The following DNAJB12 variants were observed in gnomAD, a reference collection of about 807,000 sequenced individuals.
DNAJB12 encodes DnaJ heat shock protein family (Hsp40) member B12, also known as dnaJ homolog subfamily B member 12.
A neutral mutation model predicts 40.6 loss-of-function variants in DNAJB12; 14 were observed. The observed-to-expected ratio is 0.34, with a 90% CI of 0.23 to 0.54. DNAJB12 has a LOEUF of 0.54. DNAJB12 is among the 20% of genes least tolerant of loss of function. The probability of loss-of-function intolerance (pLI) is 0.92; values close to 1 mark genes in which losing one functional copy is unlikely to be tolerated. For missense variants in DNAJB12, 444 were observed against 501.7 expected (o/e 0.89, Z 1.10); for synonymous variants, 181 against 199.5 (o/e 0.91, Z 0.78).
Position 72,335,029 on chromosome 10 carries a change from T to C in DNAJB12, c.*31-412A>G, listed in dbSNP as rs1296427279. 1 of 1,036,276 alleles carries C rather than the reference T, an allele frequency of 9.6e-7. No individual in the cohort carries two copies. Among genetic ancestry groups the C allele is most frequent in the Non-Finnish European group, 1.2e-6 (1 of 862,574 alleles). The allele number at this position is 1,036,276 out of a possible 1,614,324, so 64.2% of individuals were successfully genotyped here. On this transcript the variant is annotated intron_variant, in intron 8 of 8. Transcript: ENST00000444643. The surrounding 1 kb of genome is among the most constrained non-coding windows in gnomAD (Gnocchi z 4.4). Reference sequence around the variant, plus strand: ...ACTCTCATTTCCCCTCCACCCCTCCTGTGCTGAGCGGCTGCGTCTGACCCT... The same window carrying C: ...ACTCTCATTTCCCCTCCACCCCTCCCGTGCTGAGCGGCTGCGTCTGACCCT...
intron 6 of DNAJB12, 124 bp downstream of exon 6, chr10:72,338,078 G>A (rs527493891): frequency 3.9e-6 from 3 of 775,796 alleles, no homozygotes; most frequent in Middle Eastern, 3.8e-4. Flanking sequence ...TTCTTGATTC[G>A]AAGCCAGGTT....
At chr10:72,344,387 C>G (rs1490100346) in intron 2 of DNAJB12, among the ~76,000 whole-genome samples, 1 of 152,236 alleles carries the variant, frequency 6.6e-6, no homozygotes, top group Non-Finnish European at 1.5e-5. Flanking sequence ...CCAAGGCCAG[C>G]TGCTGGGAGA....
intron 1 of DNAJB12, chr10:72,353,652 T>G (rs1163381285): frequency 6.6e-6 from 1 of 152,286 alleles, no homozygotes. Context: ...ATAATGATCT[T>G]TGCTCTGCAT....
intron 1 of DNAJB12, chr10:72,353,457 C>A (rs1861983942): frequency 6.6e-6 from 1 of 152,304 alleles, no homozygotes; most frequent in African/African-American, 2.4e-5. Context: ...GCTACCTCTT[C>A]CACCAGCGTT....
rs1431771787 is a variant in DNAJB12, at chr10:72,335,791, T to C, written c.*19A>G. 6.2e-7 allele frequency: 1 copy of C among 1,613,052 alleles called. No individual in the cohort carries two copies. The highest frequency in any genetic ancestry group is 8.5e-7 in the Non-Finnish European group (1 of 1,179,540). Reference sequence around the variant, plus strand: ...GCCCTGGCTCATACTTGGACCTCGGTGGTGTGGCTGGCCCAGGACTATCCA... The same window carrying C: ...GCCCTGGCTCATACTTGGACCTCGGCGGTGTGGCTGGCCCAGGACTATCCA... On this transcript the variant is annotated 3_prime_UTR_variant, in exon 8 of 9. Transcript: ENST00000444643. This position sits in a 1 kb window ranked among gnomAD's most constrained non-coding sequence, Gnocchi z 4.4.
Position 72,349,426 on chromosome 10 carries a change from G to C in DNAJB12, c.134-4299C>G, listed in dbSNP as rs371109193. On this transcript the variant is annotated intron_variant, in intron 1 of 8. Coordinates refer to ENST00000444643, the MANE Select transcript of DNAJB12 (RefSeq NM_017626.7). ...ACTCTGGAACCAGTAGTAACCATGA[G>C]ATTTCAGGCCATCCCAGATACCAGG... 4.2e-4 allele frequency among the ~76,000 whole-genome samples: 64 copies of C among 152,300 alleles called. 1 individual carries two copies. Among genetic ancestry groups the C allele is most frequent in the African/African-American group, 1.5e-3 (63 of 41,562 alleles).
Position 72,354,762 on chromosome 10 carries a change from C to T in DNAJB12, c.133+3G>A. 6.2e-7 allele frequency: 1 copy of T among 1,610,788 alleles called. No homozygotes were observed. ...CCCAGTCTCTCCGGCACCTCACACT[C>T]ACCGCGAACTCGCGGCGTCGGATAC... On this transcript the variant is annotated splice_donor_region_variant and intron_variant, in intron 1 of 8. Coordinates refer to ENST00000444643, the MANE Select transcript of DNAJB12 (RefSeq NM_017626.7).
chr10:72,337,932 G>A (rs1861523498), intron 6 of DNAJB12, among the ~76,000 whole-genome samples: 1 of 152,140 alleles, frequency 6.6e-6, no homozygotes, highest in South Asian at 2.1e-4. Context: ...GTGTACATGT[G>A]TATCGTGTGT....
Position 72,332,905 on chromosome 10 carries a change from G to A in DNAJB12, c.*1743C>T, listed in dbSNP as rs1328317516. 2 of 152,546 alleles carry A rather than the reference G, an allele frequency of 1.3e-5. No individual in the cohort carries two copies. Among genetic ancestry groups the A allele is most frequent in the Non-Finnish European group, 2.9e-5 (2 of 68,032 alleles). The allele number at this position is 152,546 out of a possible 1,614,324, so 9.4% of individuals were successfully genotyped here. The stretch of plus-strand genomic sequence containing the variant: ...AATTCAAGAAATACAGCTTCCAGAG[G>A]ATCCTTTAGGATCTATGTTCTTATT... On this transcript the variant is annotated 3_prime_UTR_variant, in exon 9 of 9. Transcript: ENST00000444643.
At chr10:72,338,042 T>A (rs893629536) in intron 6 of DNAJB12, among the ~76,000 whole-genome samples, 160 bp downstream of exon 6, 10 of 152,210 alleles carry the variant, frequency 6.6e-5, no homozygotes, top group African/African-American at 9.6e-5. Flanking sequence ...AGCTTAAGAG[T>A]CCTAGTTGAA....
chr10:72,346,284 C>G (rs1320479846), intron 1 of DNAJB12, among the ~76,000 whole-genome samples: 1 of 151,674 alleles, frequency 6.6e-6, no homozygotes, highest in East Asian at 1.9e-4. Flanking sequence ...ATGCCTCAGC[C>G]TCCTGAGTAG....
rs553510203 is a variant in DNAJB12 at position 72,334,171 on chromosome 10, T to C, written c.*477A>G. ...TTACATATAAATAGATATATATACA[T>C]ATACACGCATCTATAAATTACATTC... On this transcript the variant is annotated 3_prime_UTR_variant, in exon 9 of 9. Transcript: ENST00000444643. 2.8e-5 allele frequency: 7 copies of C among 250,794 alleles called. No individual in the cohort carries two copies. In the East Asian group the frequency reaches 8.3e-4, roughly 30 times the overall value. 15.5% of individuals were successfully genotyped at this position (250,794 alleles called of 1,614,324 possible).
intron 2 of DNAJB12, among the ~76,000 whole-genome samples, chr10:72,344,402 G>A (rs535605513): frequency 6.6e-6 from 1 of 152,326 alleles, no homozygotes; most frequent in East Asian, 1.9e-4. Flanking sequence ...GGGAGACCTG[G>A]GGAGAAATGG....
At chr10:72,347,192 C>T (rs752258694) in intron 1 of DNAJB12, among the ~76,000 whole-genome samples, 4 of 152,138 alleles carry the variant, frequency 2.6e-5, no homozygotes, top group Non-Finnish European at 5.9e-5. Flanking sequence ...AACTCCTGAC[C>T]TCAAGTGATC....
Position 72,354,768 on chromosome 10 carries a change from G to T in DNAJB12, c.130C>A (p.Arg44Ser). ...CTCTCCGGCACCTCACACTCACCGC[G>T]AACTCGCGGCGTCGGATACAGCCGC... ...AQRLYPTPRV[R>S]ALIESLNQKP... is the part of the protein sequence containing the mutation. Residue 44 changes from arginine to serine, a missense_variant, in exon 1 of 9, where the codon CGC becomes AGC. Transcript: ENST00000444643. 1 of 1,611,694 alleles carries T rather than the reference G, an allele frequency of 6.2e-7. No individual in the cohort carries two copies. Among genetic ancestry groups the T allele is most frequent in the Non-Finnish European group, 8.5e-7 (1 of 1,179,068 alleles).
chr10:72,342,431 G>C (rs1384546690), intron 3 of DNAJB12, among the ~76,000 whole-genome samples: 1 of 152,218 alleles, frequency 6.6e-6, no homozygotes, highest in Non-Finnish European at 1.5e-5. Flanking sequence ...CTGGCCTCTC[G>C]GTACAGTCGG....
intron 8 of DNAJB12, chr10:72,334,962 C>G: frequency 8.7e-7 from 1 of 1,147,574 alleles, no homozygotes; most frequent in East Asian, 4.8e-5. Context: ...GCCCAGCGCC[C>G]CCATTCGCCG....
At position 72,341,181 on chromosome 10, in the gene DNAJB12, G is replaced by A. The variant is rs769016982; in HGVS notation, c.458-11C>T. 5.0e-6 allele frequency: 8 copies of A among 1,599,518 alleles called. No homozygotes were observed. In the East Asian group the frequency reaches 1.1e-4, roughly 22 times the overall value. Reference sequence around the variant, plus strand: ...ATGCTGTGCCAATGGCTGGAGAGGAGGAGGAAAGGTCAGGCCTGAGGATCC... The same window carrying A: ...ATGCTGTGCCAATGGCTGGAGAGGAAGAGGAAAGGTCAGGCCTGAGGATCC... On this transcript the variant is annotated splice_polypyrimidine_tract_variant and intron_variant, in intron 3 of 8. Transcript: ENST00000444643.
intron 1 of DNAJB12, chr10:72,353,507 G>A (rs1288147928): frequency 6.6e-6 from 1 of 152,250 alleles, no homozygotes; most frequent in Non-Finnish European, 1.5e-5. Context: ...GGCCGGTTAG[G>A]AGGCTGACTG....
Sources: gnomAD v4.1 joint callset for allele counts (sites outside exome capture counted in the v4.1 genomes callset) on GRCh38, gnomAD v4.1.1 for gene constraint, Gnocchi (gnomAD v3.1) non-coding constraint, MANE v1.5 for transcripts, NCBI Gene and HGNC (gene_info 2026-07-23, HGNC 2026-07-21) for gene names.